The following ATAD2B variants were observed in gnomAD, a reference collection of about 807,000 sequenced individuals.
The protein encoded by ATAD2B is ATPase family AAA domain containing 2B, also known as ATPase family AAA domain-containing protein 2B.
ATAD2B carries 40 observed loss-of-function variants against 167.6 expected under a neutral mutation model. The observed-to-expected ratio is 0.24, with a 90% CI of 0.19 to 0.31. The LOEUF (loss-of-function observed/expected upper bound fraction) is 0.31. Ranked by LOEUF, ATAD2B falls within the 10% of genes least tolerant of loss-of-function variation. The pLI, the probability that ATAD2B is intolerant of heterozygous loss-of-function variation, is 1.00. For missense variants in ATAD2B, 1,242 were observed against 1,757.2 expected (o/e 0.71, Z 5.24); for synonymous variants, 579 against 596.5 (o/e 0.97, Z 0.43).
chr2:23,908,897 C>A (rs1196015948), intron 1 of ATAD2B, among the ~76,000 whole-genome samples: 28 of 142,170 alleles, frequency 2.0e-4, no homozygotes, highest in African/African-American at 5.8e-4. Flanking sequence ...AAAAAAAAAA[C>A]AAACACCGCA....
At chr2:23,761,229 A>G (rs1185588781) in intron 24 of ATAD2B, among the ~76,000 whole-genome samples, 2 of 152,202 alleles carry the variant, frequency 1.3e-5, no homozygotes. Context: ...TCTCATATAC[A>G]AATGCCACTT....
chr2:23,857,319 C>T (rs1342432837), intron 13 of ATAD2B, 96 bp downstream of exon 13: 1 of 645,824 alleles, frequency 1.5e-6, no homozygotes, highest in Non-Finnish European at 2.6e-6. Flanking sequence ...TTTTAAATTT[C>T]TTTGTAAGCC....
At chr2:23,808,124 T>TATATATAATTACTTATATATATAATTA (rs1558570147) in intron 18 of ATAD2B, among the ~76,000 whole-genome samples, 3 of 17,766 alleles carry the variant, frequency 1.7e-4, no homozygotes, top group African/African-American at 5.4e-4. Context: ...TATATAATTA[T>TATATATAATTACTTATATATATAATTA]TATATATAAG....
At position 23,823,324 on chromosome 2, in the gene ATAD2B, T is replaced by C; in HGVS notation, c.2065A>G (p.Asn689Asp). The C allele has an allele frequency of 6.2e-7, 1 of 1,613,816 alleles. No individual in the cohort carries two copies. The highest frequency in any genetic ancestry group is 8.5e-7 in the Non-Finnish European group (1 of 1,179,784). The change falls in exon 16 of 28, where the codon AAC becomes GAC. Residue 689 changes from asparagine to aspartate, a missense_variant. Physicochemically the swap from Asn to Asp is conservative, Grantham distance 23. This residue lies in a region of ATAD2B where 145 missense variants were observed against 181.9 expected (regional missense o/e 0.80). Coordinates refer to ENST00000238789, the MANE Select transcript of ATAD2B (RefSeq NM_017552.4). ...IRPLLERSFNNILAVLQKVFP... is the reference protein window; with the variant it reads ...IRPLLERSFNDILAVLQKVFP... The stretch of plus-strand genomic sequence containing the variant: ...ACTTTTTGCAAGACTGCTAGGATGT[T>C]GTTGAAGCTTCTTTCCAGCAGTGGT...
In ATAD2B at chr2:23,887,998, A is replaced by G. The variant is rs1377426991; in HGVS notation, c.419-13T>C. ...TGGCTTCGAAGGGCTACAAGAAGAG[A>G]GATATTTACATTTCAAAGTACAGAA... On this transcript the variant is annotated splice_polypyrimidine_tract_variant and intron_variant, in intron 3 of 27. Coordinates refer to ENST00000238789, the MANE Select transcript of ATAD2B (RefSeq NM_017552.4). 6.5e-7 allele frequency: 1 copy of G among 1,534,306 alleles called. No homozygotes were observed. The highest frequency in any genetic ancestry group is 8.7e-7 in the Non-Finnish European group (1 of 1,149,384).
intron 8 of ATAD2B, among the ~76,000 whole-genome samples, chr2:23,870,199 T>G (rs1348389042): frequency 8.0e-6 from 1 of 124,606 alleles, no homozygotes; most frequent in South Asian, 2.7e-4. Flanking sequence ...AGAGCAAGAC[T>G]CCTTCTCGGA....
the ATAD2B span, among the ~76,000 whole-genome samples, chr2:23,711,491 T>C: frequency 0.011 from 1,621 of 150,932 alleles, 15 homozygotes; most frequent in Middle Eastern, 0.031. Context: ...TGCCTCAGCC[T>C]CCCAAGTAGC....
intron 1 of ATAD2B, among the ~76,000 whole-genome samples, 162 bp downstream of exon 1, chr2:23,926,393 G>A (rs1329554747): frequency 2.0e-5 from 3 of 152,134 alleles, no homozygotes; most frequent in Non-Finnish European, 4.4e-5. Context: ...CCAGCGTCGC[G>A]GCCCTTCTCT....
At chr2:23,839,956 T>C (rs1690619167) in intron 13 of ATAD2B, among the ~76,000 whole-genome samples, 1 of 152,168 alleles carries the variant, frequency 6.6e-6, no homozygotes. Context: ...TTTGCATTAC[T>C]TAAAATTTTA....
intron 1 of ATAD2B, among the ~76,000 whole-genome samples, chr2:23,915,582 G>A (rs1238984735): frequency 1.6e-5 from 2 of 126,518 alleles, no homozygotes; most frequent in Non-Finnish European, 3.3e-5. Context: ...TCTGACTACC[G>A]ATTCTTTTTT....
At chr2:23,786,392 T>C (rs934617139) in intron 20 of ATAD2B, among the ~76,000 whole-genome samples, 169 bp from the exon 21 acceptor site, 4 of 152,106 alleles carry the variant, frequency 2.6e-5, no homozygotes, top group African/African-American at 7.2e-5. Context: ...TTTGTCATTG[T>C]GTGAACATCA....
At chr2:23,790,261 A>G (rs547697059) in intron 19 of ATAD2B, among the ~76,000 whole-genome samples, 1 of 152,290 alleles carries the variant, frequency 6.6e-6, no homozygotes, top group South Asian at 2.1e-4. Flanking sequence ...GCATTATGAT[A>G]CTATGCTGGG....
intron 22 of ATAD2B, among the ~76,000 whole-genome samples, chr2:23,781,361 TAAATAAATAAATA>T (rs1333895401): frequency 4.0e-5 from 6 of 151,098 alleles, no homozygotes; most frequent in East Asian, 3.9e-4. Flanking sequence ...AATAAATAAA[TAAATAAATAAATA>T]AATAATCAGG....
chr2:23,849,739 A>G (rs1692257920), intron 13 of ATAD2B, among the ~76,000 whole-genome samples: 1 of 152,158 alleles, frequency 6.6e-6, no homozygotes, highest in South Asian at 2.1e-4. Flanking sequence ...GAGGCAGAAG[A>G]ATCACTTGAA....
At chr2:23,737,714 T>C in the ATAD2B span, among the ~76,000 whole-genome samples, 1 of 152,048 alleles carries the variant, frequency 6.6e-6, no homozygotes, top group Non-Finnish European at 1.5e-5. Flanking sequence ...CTTTGACAAG[T>C]TGAGAGAAGA....
chr2:23,792,730 A>AG (rs1681950461), intron 19 of ATAD2B, among the ~76,000 whole-genome samples: 1 of 151,988 alleles, frequency 6.6e-6, no homozygotes, highest in Non-Finnish European at 1.5e-5. Flanking sequence ...TGGGAGGCTG[A>AG]GGTGGGTGGA....
chr2:23,894,209 C>T (rs958885703), intron 2 of ATAD2B, among the ~76,000 whole-genome samples: 3 of 151,726 alleles, frequency 2.0e-5, no homozygotes, highest in African/African-American at 7.3e-5. Context: ...CGGCCAGGCA[C>T]GGTGGCTCGT....
intron 18 of ATAD2B, among the ~76,000 whole-genome samples, chr2:23,800,710 T>C (rs113077933): frequency 2.0e-5 from 3 of 152,128 alleles, no homozygotes; most frequent in African/African-American, 7.2e-5. Context: ...TATTTTCATC[T>C]CATCTTCTCA....
chr2:23,883,234 T>G (rs778759709), intron 6 of ATAD2B, among the ~76,000 whole-genome samples: 1 of 149,644 alleles, frequency 6.7e-6, no homozygotes, highest in Non-Finnish European at 1.5e-5. Context: ...GAACTGTGAT[T>G]GTGACAATGT....
Sources: allele counts gnomAD v4.1 joint callset (sites outside exome capture counted in the v4.1 genomes callset), GRCh38; gene constraint gnomAD v4.1.1; regional missense constraint gnomAD v4.1.1; transcripts MANE v1.5; gene names NCBI Gene and HGNC (gene_info 2026-07-23, HGNC 2026-07-21).